ADGRG7: variants seen among roughly 807,000 people sequenced by gnomAD.
ADGRG7 encodes G-protein coupled receptor 128.
ADGRG7 carries 82 observed loss-of-function variants against 88.6 expected under a neutral mutation model. That is an observed-to-expected ratio of 0.93 (90% CI 0.77 to 1.11). ADGRG7 has a LOEUF of 1.11. Ranked by LOEUF, ADGRG7 falls within the 50% of genes most tolerant of loss-of-function variation. The pLI is 0.00. For synonymous variants in ADGRG7, 381 were observed against 345.2 expected (o/e 1.10, Z -1.15); for missense variants, 945 against 953.4 (o/e 0.99, Z 0.12).
chr3:100,629,460 G>T (rs1707426907), intron 1 of ADGRG7, 138 bp from the exon 2 acceptor site: 3 of 549,892 alleles, frequency 5.5e-6, no homozygotes, highest in African/African-American at 1.9e-5. Flanking sequence ...TTTTATTAAT[G>T]ATGATATTAC....
chr3:100,654,739 A>T, intron 11 of ADGRG7, 96 bp from the exon 12 acceptor site: 1 of 727,068 alleles, frequency 1.4e-6, no homozygotes, highest in Non-Finnish European at 2.2e-6. Flanking sequence ...TACATTGGGC[A>T]ATAATATTCT....
At chr3:100,658,231 T>C (rs949534774) in intron 13 of ADGRG7, among the ~76,000 whole-genome samples, 1 of 152,200 alleles carries the variant, frequency 6.6e-6, no homozygotes, top group African/African-American at 2.4e-5. Flanking sequence ...CTTTTAAATA[T>C]ATCAGGAATC....
intron 15 of ADGRG7, among the ~76,000 whole-genome samples, chr3:100,679,194 C>T (rs182058584): frequency 6.6e-6 from 1 of 152,274 alleles, no homozygotes; most frequent in Admixed American, 6.5e-5. Flanking sequence ...TCCCACTCTC[C>T]CCATCCCCCA....
intron 15 of ADGRG7, among the ~76,000 whole-genome samples, chr3:100,671,605 G>C (rs1404306220): frequency 6.6e-6 from 1 of 152,128 alleles, no homozygotes; most frequent in Non-Finnish European, 1.5e-5. Context: ...ATTGCTTTTG[G>C]TGTTTTAGTC....
chr3:100,637,283 A>G lies in ADGRG7; in HGVS notation c.598-19A>G. On this transcript the variant is annotated intron_variant, in intron 5 of 15. Transcript: ENST00000273352. ...TATGATATATGCTTCTCTGATGATC[A>G]GTATCTTCTCTTTGGCAGGCAAAGA... The G allele has an allele frequency of 4.7e-6, 7 of 1,495,546 alleles. No individual in the cohort carries two copies. Among genetic ancestry groups the G allele is most frequent in the Non-Finnish European group, 6.5e-6 (7 of 1,072,412 alleles). 92.6% of individuals were successfully genotyped at this position (1,495,546 alleles called of 1,614,324 possible).
intron 7 of ADGRG7, 48 bp downstream of exon 7, chr3:100,643,453 A>G (rs761704801): frequency 5.0e-6 from 8 of 1,609,880 alleles, no homozygotes; most frequent in South Asian, 1.1e-5. Flanking sequence ...GCATTCTGCT[A>G]CTGATGATGA....
chr3:100,655,249 T>A (rs1361485724), intron 12 of ADGRG7, 68 bp downstream of exon 12: 8 of 1,150,100 alleles, frequency 7.0e-6, no homozygotes, highest in Admixed American at 2.1e-5. Context: ...TAAACACTTA[T>A]TGAAGGCCTA....
intron 1 of ADGRG7, among the ~76,000 whole-genome samples, chr3:100,612,150 G>T (rs193194): frequency 2.6e-5 from 4 of 151,826 alleles, no homozygotes; most frequent in African/African-American, 9.7e-5. Context: ...TAAATTAAAA[G>T]AACATATAAA....
At chr3:100,663,995 AT>A (rs932733195) in intron 14 of ADGRG7, among the ~76,000 whole-genome samples, 41 of 152,098 alleles carry the variant, frequency 2.7e-4, no homozygotes, top group Middle Eastern at 3.4e-3. Context: ...TTTTAAGTTA[AT>A]TTTTTCCTAT....
At chr3:100,680,322 C>A (rs540032077) in intron 15 of ADGRG7, among the ~76,000 whole-genome samples, 45 of 152,240 alleles carry the variant, frequency 3.0e-4, no homozygotes, top group African/African-American at 1.1e-3. Flanking sequence ...ATGTTTTCAT[C>A]CATTTGATCT....
Position 100,659,779 on chromosome 3 carries a change from A to C in ADGRG7, c.1915A>C (p.Asn639His), listed in dbSNP as rs2094942748. 2 of 1,613,976 alleles carry C rather than the reference A, an allele frequency of 1.2e-6. No individual in the cohort carries two copies. ...ACCTGTAACCATTATCCTCATCAGC[A>C]ATGTTGTTATGTTTATTACAATCTC... is the stretch of plus-strand genomic sequence containing the variant. The part of the protein sequence containing the change: ...IVPVTIILIS[N>H]VVMFITISIK... The change falls in exon 14 of 16, where the codon AAT becomes CAT. Residue 639 changes from asparagine to histidine, a missense_variant. Asn to His is a moderately conservative substitution (Grantham distance 68). Coordinates refer to ENST00000273352, the MANE Select transcript of ADGRG7 (RefSeq NM_032787.3).
rs977996386 is a variant in ADGRG7 at position 100,694,644 on chromosome 3, C to T, written c.2137-100C>T. The T allele has an allele frequency of 2.6e-5, 29 of 1,100,788 alleles. No individual in the cohort carries two copies. The South Asian group carries it at 2.7e-4, about 10-fold the overall frequency. 68.2% of individuals were successfully genotyped at this position (1,100,788 alleles called of 1,614,324 possible). ...TGGCAAATTCAAGTTGGGGAAGTGC[C>T]GTGCAGATGAGAAGGTTGGGTGGCA... On this transcript the variant is annotated intron_variant, in intron 15 of 15. Coordinates refer to ENST00000273352, the MANE Select transcript of ADGRG7 (RefSeq NM_032787.3).
Position 100,655,947 on chromosome 3 carries a change from A to T in ADGRG7, c.1775A>T (p.Gln592Leu). ...ATAACAGTGGGAGTTATTTATTCTC[A>T]GAATGGAAATAATCCACAGTGGGAA... ...VAITVGVIYS[Q>L]NGNNPQWELD... Residue 592 changes from glutamine (Q) to leucine (L), a missense_variant, in exon 13 of 16, where the codon CAG becomes CTG. Gln to Leu is a moderately radical substitution (Grantham distance 113, BLOSUM62 -2). Transcript: ENST00000273352. The T allele has an allele frequency of 6.2e-7, 1 of 1,610,426 alleles. No individual in the cohort carries two copies. Among genetic ancestry groups the T allele is most frequent in the African/African-American group, 1.3e-5 (1 of 75,000 alleles).
At chr3:100,685,955 C>T (rs1208189121) in intron 15 of ADGRG7, among the ~76,000 whole-genome samples, 1 of 150,926 alleles carries the variant, frequency 6.6e-6, no homozygotes, top group Non-Finnish European at 1.5e-5. Context: ...GCCACACTGA[C>T]TTCCACAATG....
At chr3:100,664,237 C>T (rs1331385183) in intron 14 of ADGRG7, among the ~76,000 whole-genome samples, 1 of 152,040 alleles carries the variant, frequency 6.6e-6, no homozygotes, top group East Asian at 1.9e-4. Context: ...GCTAACAAAT[C>T]AAAGGCACAG....
At chr3:100,655,747 C>A (rs192332377) in intron 12 of ADGRG7, 152 bp from the exon 13 acceptor site, 1 of 514,640 alleles carries the variant, frequency 1.9e-6, no homozygotes, top group Non-Finnish European at 3.6e-6. Context: ...TGTCCACTGT[C>A]GACCCACATC....
At chr3:100,635,447 G>T in intron 4 of ADGRG7, 1 of 843,624 alleles carries the variant, frequency 1.2e-6, no homozygotes, top group Non-Finnish European at 1.6e-6. Flanking sequence ...AGCTAAGGCA[G>T]CCCCTTATAG....
chr3:100,694,807 G>A lies in ADGRG7; in HGVS notation c.2200G>A (p.Val734Met), dbSNP rs533038587. ...AGTCTTCCAGAGTGAAGCTTCCAAA[G>A]TGTTGATGTTGCTATCGTCTATTGG... Reference protein sequence around the residue: ...TKVFQSEASKVLMLLSSIGRR... With the variant: ...TKVFQSEASKMLMLLSSIGRR... Residue 734 changes from valine to methionine, a missense_variant, in exon 16 of 16, where the codon GTG (valine) becomes ATG (methionine). Transcript: ENST00000273352. 9.9e-4 allele frequency: 1,597 copies of A among 1,614,160 alleles called. 36 individuals carry two copies. In the South Asian group the frequency reaches 0.016, roughly 17 times the overall value.
intron 3 of ADGRG7, among the ~76,000 whole-genome samples, chr3:100,632,966 T>C (rs923539323): frequency 3.7e-4 from 56 of 152,178 alleles, no homozygotes; most frequent in Non-Finnish European, 6.3e-4. Context: ...TAGGAATTTT[T>C]CATATTGTTT....
Sources: allele counts gnomAD v4.1 joint callset (sites outside exome capture counted in the v4.1 genomes callset), GRCh38; gene constraint gnomAD v4.1.1; transcripts MANE v1.5; gene names NCBI Gene and HGNC (gene_info 2026-07-23, HGNC 2026-07-21).